The following GATAD2A variants were observed in gnomAD, a reference collection of about 807,000 sequenced individuals.
GATAD2A encodes GATA zinc finger domain containing 2A, also known as transcriptional repressor p66-alpha.
A neutral mutation model predicts 68.5 loss-of-function variants in GATAD2A; 12 were observed. The ratio of observed to expected loss-of-function variants is 0.18; its 90% CI spans 0.11 to 0.28. GATAD2A has a LOEUF of 0.28. Ranked by LOEUF, GATAD2A falls within the 10% of genes least tolerant of loss-of-function variation. GATAD2A has a pLI of 1.00. For synonymous variants in GATAD2A, 410 were observed against 375.3 expected, an observed-to-expected ratio of 1.09 and a Z score of -1.07; for missense variants, 755 against 868.5, an observed-to-expected ratio of 0.87 and a Z score of 1.64.
intron 1 of GATAD2A, among the ~76,000 whole-genome samples, chr19:19,451,921 C>T (rs1195352879): frequency 1.3e-5 from 2 of 152,196 alleles, no homozygotes; most frequent in Non-Finnish European, 2.9e-5. Context: ...TCATTGCAGC[C>T]TTGAACCCAT....
chr19:19,479,634 G>A (rs753625506), intron 2 of GATAD2A, among the ~76,000 whole-genome samples: 25 of 152,168 alleles, frequency 1.6e-4, no homozygotes, highest in Non-Finnish European at 3.2e-4. Context: ...ATGGATTTGG[G>A]GGAGGAAGAC....
intron 1 of GATAD2A, among the ~76,000 whole-genome samples, chr19:19,449,594 CAAAAAAA>C (rs10532588): frequency 1.4e-5 from 2 of 141,048 alleles, no homozygotes; most frequent in Non-Finnish European, 3.1e-5. Context: ...TTAAATGTAT[CAAAAAAA>C]AAAAAAAAAA....
At chr19:19,436,333 G>A (rs563507387) in intron 1 of GATAD2A, 6 of 514,002 alleles carry the variant, frequency 1.2e-5, no homozygotes, top group South Asian at 6.3e-5. Context: ...TCCTAGAGAA[G>A]ATGGAGGGAG....
intron 11 of GATAD2A, among the ~76,000 whole-genome samples, chr19:19,503,271 C>T (rs538917847): frequency 1.3e-5 from 2 of 152,332 alleles, no homozygotes; most frequent in African/African-American, 2.4e-5. Flanking sequence ...CCCACATGCA[C>T]CCTGAAGCCT....
chr19:19,484,497 T>G (rs926705418), intron 2 of GATAD2A, among the ~76,000 whole-genome samples: 9 of 151,440 alleles, frequency 5.9e-5, no homozygotes, highest in African/African-American at 1.2e-4. Context: ...CCTTTTTCTC[T>G]GTCACAGGAT....
chr19:19,487,256 T>C (rs1317061026), intron 2 of GATAD2A, among the ~76,000 whole-genome samples: 1 of 152,186 alleles, frequency 6.6e-6, no homozygotes, highest in African/African-American at 2.4e-5. Context: ...TTGTCCCTTG[T>C]TGGGAGCTGA....
At chr19:19,420,240 C>A (rs1400924807) in intron 1 of GATAD2A, among the ~76,000 whole-genome samples, 1 of 131,272 alleles carries the variant, frequency 7.6e-6, no homozygotes, top group Admixed American at 8.6e-5. Context: ...CCAGGCTGGT[C>A]TCGAACTCCT....
chr19:19,436,150 C>T, intron 1 of GATAD2A: 1 of 1,366,084 alleles, frequency 7.3e-7, no homozygotes, highest in South Asian at 1.1e-5. Context: ...CACATTGTCT[C>T]AAGTAGCCTT....
chr19:19,491,538 A>C (rs991495940), intron 2 of GATAD2A, among the ~76,000 whole-genome samples: 1 of 152,226 alleles, frequency 6.6e-6, no homozygotes, highest in African/African-American at 2.4e-5. Context: ...CTTGGCATCC[A>C]CGTGGGGCTG....
intron 4 of GATAD2A, among the ~76,000 whole-genome samples, chr19:19,493,560 T>G (rs1443133724): frequency 1.3e-5 from 2 of 152,194 alleles, no homozygotes; most frequent in Non-Finnish European, 2.9e-5. Context: ...GTTTATTTTG[T>G]TAGGCTTTTT....
chr19:19,465,673 G>A, intron 2 of GATAD2A, 59 bp downstream of exon 2: 1 of 1,533,864 alleles, frequency 6.5e-7, no homozygotes, highest in Non-Finnish European at 8.8e-7. Context: ...AGTGTGCCCA[G>A]GTTGGGGCTG....
At chr19:19,412,118 CT>C (rs973185745) in intron 1 of GATAD2A, among the ~76,000 whole-genome samples, 11 of 149,640 alleles carry the variant, frequency 7.4e-5, no homozygotes, top group African/African-American at 1.5e-4. Flanking sequence ...TCTCAGGCCG[CT>C]TTTTTTTCTC....
chr19:19,454,971 A>G (rs1012327597), intron 1 of GATAD2A, among the ~76,000 whole-genome samples: 10 of 152,190 alleles, frequency 6.6e-5, no homozygotes, highest in Non-Finnish European at 1.0e-4. Context: ...ATAGAGTTTA[A>G]TTCGCAGACA....
In GATAD2A at chr19:19,505,581, C is replaced by T. The variant is rs537276171; in HGVS notation, c.*107C>T. On this transcript the variant is annotated 3_prime_UTR_variant, in exon 12 of 12. Transcript: ENST00000683918. The stretch of plus-strand genomic sequence containing the variant: ...CGCTGGCTCGGGAAGACACCGTGCC[C>T]GCCCCAAGAGCAAGCACCGGCCATG... 32 of 1,015,240 alleles carry T rather than the reference C, an allele frequency of 3.2e-5. No individual in the cohort carries two copies. The highest frequency in any genetic ancestry group is 2.5e-4 in the Middle Eastern group (1 of 4,062). The allele number at this position is 1,015,240 out of a possible 1,614,324, so 62.9% of individuals were successfully genotyped here.
intron 1 of GATAD2A, among the ~76,000 whole-genome samples, chr19:19,399,527 C>T (rs958234795): frequency 6.6e-6 from 1 of 152,136 alleles, no homozygotes; most frequent in Non-Finnish European, 1.5e-5. Context: ...AAACTTTAGC[C>T]TTTATATTTA....
At position 19,492,655 on chromosome 19, in the gene GATAD2A, C is replaced by G; in HGVS notation, c.477C>G (p.Leu159=). Residue 159 remains leucine, a synonymous_variant, in exon 4 of 12, where the codon CTC becomes CTG. Transcript: ENST00000683918. ...AATTGAGGTTAGAAGAAGCAAAACT[C>G]GTGTTGTTGAAAAAGTTGCGGCAGA... ...KEELRLEEAK[L]VLLKKLRQSQ... 1 of 1,614,096 alleles carries G rather than the reference C, an allele frequency of 6.2e-7. No individual in the cohort carries two copies.
At chr19:19,439,765 T>A (rs565218763) in intron 1 of GATAD2A, among the ~76,000 whole-genome samples, 3 of 152,152 alleles carry the variant, frequency 2.0e-5, no homozygotes, top group South Asian at 4.1e-4. Context: ...GGAGAATCGC[T>A]TGAACCCAGG....
rs568361068 is a variant in GATAD2A, at chr19:19,465,403, A to G, written c.58A>G (p.Thr20Ala). 53 of 1,613,836 alleles carry G rather than the reference A, an allele frequency of 3.3e-5. 2 individuals are homozygous for G. In the South Asian group the frequency reaches 5.2e-4, roughly 16 times the overall value. ...GAAACGAGCGCTTGAACGGGACCCA[A>G]CAGAGGACGATGTGGAGAGCAAGAA... is the stretch of plus-strand genomic sequence containing the variant. ...SQKRALERDPTEDDVESKKIK... is the reference protein window; with the variant it reads ...SQKRALERDPAEDDVESKKIK... Residue 20 changes from threonine to alanine, a missense_variant, in exon 2 of 12, where the codon ACA becomes GCA. Physicochemically the swap from Thr to Ala is moderately conservative, Grantham distance 58. Transcript: ENST00000683918.
intron 1 of GATAD2A, among the ~76,000 whole-genome samples, chr19:19,437,673 TCTTATA>T (rs2054525725): frequency 1.3e-5 from 2 of 152,236 alleles, no homozygotes; most frequent in South Asian, 4.1e-4. Context: ...GTAAATGGAC[TCTTATA>T]CTTGTGTAAG....
Sources: gnomAD v4.1 joint callset for allele counts (sites outside exome capture counted in the v4.1 genomes callset) on GRCh38, gnomAD v4.1.1 for gene constraint, MANE v1.5 for transcripts, NCBI Gene and HGNC (gene_info 2026-07-23, HGNC 2026-07-21) for gene names.